Variants in NRG3 observed in about 807,000 individuals in gnomAD.
The protein encoded by NRG3 is pro-neuregulin-3, membrane-bound isoform.
In NRG3, 31 loss-of-function variants were observed where a neutral mutation model predicts 66.9. The ratio of observed to expected loss-of-function variants is 0.46; its 90% CI spans 0.35 to 0.63. NRG3 has a LOEUF of 0.63. NRG3 is among the 20% of genes least tolerant of loss of function. NRG3 has a pLI of 0.00. For synonymous variants in NRG3, 393 were observed against 359.4 expected (o/e 1.09, Z -1.06); for missense variants, 910 against 878.9 (o/e 1.04, Z -0.45).
At chr10:81,879,156 C>T (rs1029405898) in intron 1 of NRG3, among the ~76,000 whole-genome samples, 3 of 152,196 alleles carry the variant, frequency 2.0e-5, no homozygotes, top group African/African-American at 4.8e-5. Flanking sequence ...TTCAGCGTTC[C>T]TGGGATTCTT....
At chr10:81,881,944 T>C (rs2132480379) in intron 1 of NRG3, among the ~76,000 whole-genome samples, 2 of 152,338 alleles carry the variant, frequency 1.3e-5, no homozygotes, top group East Asian at 3.9e-4. Context: ...AGTTTTCTTG[T>C]CTATATGATT....
intron 1 of NRG3, among the ~76,000 whole-genome samples, chr10:82,066,996 G>T (rs1196921201): frequency 7.6e-6 from 1 of 131,708 alleles, no homozygotes; most frequent in East Asian, 2.2e-4. Flanking sequence ...TCTACTTTTA[G>T]CTATTAGATC....
At chr10:81,902,584 G>A in intron 1 of NRG3, among the ~76,000 whole-genome samples, 1 of 152,090 alleles carries the variant, frequency 6.6e-6, no homozygotes, top group East Asian at 1.9e-4. Flanking sequence ...GACCTGCCAG[G>A]GCCTCGATCT....
chr10:82,237,509 G>T (rs1315600054), intron 1 of NRG3, among the ~76,000 whole-genome samples: 1 of 151,978 alleles, frequency 6.6e-6, no homozygotes, highest in Non-Finnish European at 1.5e-5. Context: ...ACTCTGTGAA[G>T]GCTGAACTAT....
intron 2 of NRG3, among the ~76,000 whole-genome samples, chr10:82,517,215 C>T (rs559855232): frequency 6.6e-6 from 1 of 151,940 alleles, no homozygotes; most frequent in African/African-American, 2.4e-5. Context: ...TTTATAGATA[C>T]CATCTGGCCT....
At chr10:82,631,532 T>C (rs1410423872) in intron 2 of NRG3, among the ~76,000 whole-genome samples, 1 of 151,768 alleles carries the variant, frequency 6.6e-6, no homozygotes, top group East Asian at 1.9e-4. Flanking sequence ...GCCTACAGTT[T>C]CCTTCAGCTT....
chr10:82,387,393 G>A (rs1324417753), intron 2 of NRG3, among the ~76,000 whole-genome samples: 1 of 152,130 alleles, frequency 6.6e-6, no homozygotes, highest in Non-Finnish European at 1.5e-5. Flanking sequence ...CTCATGTAAT[G>A]GCACTGCCAG....
chr10:82,552,165 AT>A (rs111545334), intron 2 of NRG3, among the ~76,000 whole-genome samples: 112 of 151,190 alleles, frequency 7.4e-4, no homozygotes, highest in Middle Eastern at 3.4e-3. Context: ...CAAAATCCAT[AT>A]TTTTTTTTAC....
At chr10:82,969,450 A>T (rs1851530079) in intron 6 of NRG3, among the ~76,000 whole-genome samples, 1 of 152,168 alleles carries the variant, frequency 6.6e-6, no homozygotes, top group Non-Finnish European at 1.5e-5. Flanking sequence ...TATGTATTGG[A>T]TCTTTGTTAT....
chr10:81,997,717 T>C (rs536734112), intron 1 of NRG3, among the ~76,000 whole-genome samples: 1 of 152,218 alleles, frequency 6.6e-6, no homozygotes, highest in South Asian at 2.1e-4. Flanking sequence ...CCATAATCAA[T>C]GTCAGATAAG....
At chr10:82,027,341 C>A (rs916759883) in intron 1 of NRG3, among the ~76,000 whole-genome samples, 1 of 152,008 alleles carries the variant, frequency 6.6e-6, no homozygotes, top group African/African-American at 2.4e-5. Flanking sequence ...GTAAGTGAAG[C>A]CATCCTTGTC....
At chr10:82,462,251 A>G (rs993942507) in intron 2 of NRG3, among the ~76,000 whole-genome samples, 1 of 152,162 alleles carries the variant, frequency 6.6e-6, no homozygotes, top group Non-Finnish European at 1.5e-5. Flanking sequence ...TTTGAATCAT[A>G]GAAGTTCAAA....
chr10:82,072,446 T>A (rs1322472235), intron 1 of NRG3, among the ~76,000 whole-genome samples: 1 of 152,190 alleles, frequency 6.6e-6, no homozygotes, highest in African/African-American at 2.4e-5. Context: ...GAGTGATTGA[T>A]AGGATAAATA....
chr10:82,691,578 A>T (rs1226241292), intron 2 of NRG3, among the ~76,000 whole-genome samples: 1 of 152,086 alleles, frequency 6.6e-6, no homozygotes, highest in Non-Finnish European at 1.5e-5. Flanking sequence ...ACATAAATAG[A>T]CCCAGAACAG....
intron 2 of NRG3, among the ~76,000 whole-genome samples, chr10:82,419,723 A>G (rs1372021556): frequency 6.6e-6 from 1 of 152,188 alleles, no homozygotes; most frequent in Non-Finnish European, 1.5e-5. Context: ...AGGAATAGAC[A>G]TTTTTACAAA....
intron 2 of NRG3, among the ~76,000 whole-genome samples, chr10:82,618,762 T>C (rs2246668): frequency 6.6e-6 from 1 of 152,026 alleles, no homozygotes; most frequent in Non-Finnish European, 1.5e-5. Context: ...CCCCATTTTC[T>C]GAAAATTATG....
intron 3 of NRG3, among the ~76,000 whole-genome samples, chr10:82,784,516 C>A (rs1332440175): frequency 6.6e-6 from 1 of 151,494 alleles, no homozygotes; most frequent in African/African-American, 2.4e-5. Context: ...AAGAAAAAAA[C>A]AAACAACCCC....
intron 1 of NRG3, among the ~76,000 whole-genome samples, chr10:82,160,504 T>G (rs1408930283): frequency 6.6e-6 from 1 of 151,614 alleles, no homozygotes; most frequent in African/African-American, 2.4e-5. Context: ...TTTTTTTTTG[T>G]TTTGTTTTGT....
chr10:81,955,862 T>TC (rs1849782632), intron 1 of NRG3, among the ~76,000 whole-genome samples: 1 of 152,176 alleles, frequency 6.6e-6, no homozygotes, highest in African/African-American at 2.4e-5. Context: ...ATCCAGCTGC[T>TC]CCCTCAGTAT....
Sources: allele counts gnomAD v4.1 joint callset (sites outside exome capture counted in the v4.1 genomes callset), GRCh38; gene constraint gnomAD v4.1.1; transcripts MANE v1.5; gene names NCBI Gene and HGNC (gene_info 2026-07-23, HGNC 2026-07-21).